Variants in BRD10 observed in about 807,000 individuals in gnomAD.
BRD10 encodes the protein uncharacterized bromodomain-containing protein 10.
the BRD10 span, among the ~76,000 whole-genome samples, chr9:5,888,043 C>A: frequency 6.6e-6 from 1 of 152,202 alleles, no homozygotes; most frequent in Non-Finnish European, 1.5e-5. Flanking sequence ...ACGATGGAAA[C>A]CAGAAAAATC....
the BRD10 span, among the ~76,000 whole-genome samples, chr9:5,930,444 C>T: frequency 3.2e-4 from 47 of 149,078 alleles, 1 homozygote; most frequent in African/African-American, 1.0e-3. Context: ...ACCTGTGTGA[C>T]GAACAGTACA....
chr9:5,957,108 TAAG>T, the BRD10 span, among the ~76,000 whole-genome samples: 3 of 152,262 alleles, frequency 2.0e-5, no homozygotes, highest in Middle Eastern at 3.4e-3. Flanking sequence ...GTAGTGGTAG[TAAG>T]AAGATTAACA....
the BRD10 span, among the ~76,000 whole-genome samples, chr9:5,900,013 T>C: frequency 2.6e-5 from 4 of 152,344 alleles, no homozygotes; most frequent in South Asian, 6.2e-4. Context: ...TTTGATTTCA[T>C]TATATATTTG....
At chr9:5,880,735 C>T in the BRD10 span, among the ~76,000 whole-genome samples, 2 of 148,268 alleles carry the variant, frequency 1.3e-5, no homozygotes, top group Admixed American at 6.8e-5. Flanking sequence ...GATGAAGTCT[C>T]GCTCTGTCGC....
chr9:5,892,906 G>A, the BRD10 span, among the ~76,000 whole-genome samples: 1 of 152,104 alleles, frequency 6.6e-6, no homozygotes, highest in Non-Finnish European at 1.5e-5. Context: ...TCAAATTCCT[G>A]AAGGTGGTTT....
chr9:6,007,390 G>C, the BRD10 span: 4 of 1,610,458 alleles, frequency 2.5e-6, no homozygotes, highest in Non-Finnish European at 3.4e-6. Flanking sequence ...GCCCTGTCCG[G>C]GCTGCTGCGG....
chr9:5,924,702 G>A, the BRD10 span: 9 of 1,556,906 alleles, frequency 5.8e-6, no homozygotes, highest in East Asian at 1.6e-4. Flanking sequence ...AGGTTCTGTT[G>A]AGTCTATAGA....
the BRD10 span, among the ~76,000 whole-genome samples, chr9:6,004,006 T>C: frequency 1.3e-5 from 2 of 152,224 alleles, no homozygotes; most frequent in Admixed American, 1.3e-4. Context: ...AGAAATACTA[T>C]GCTGTTTCAT....
chr9:5,983,090 C>A, the BRD10 span, among the ~76,000 whole-genome samples: 1 of 152,246 alleles, frequency 6.6e-6, no homozygotes, highest in East Asian at 1.9e-4. Flanking sequence ...GAGTTAAACT[C>A]CACAAAGTTA....
chr9:5,904,899 A>G, the BRD10 span, among the ~76,000 whole-genome samples: 1 of 151,346 alleles, frequency 6.6e-6, no homozygotes, highest in East Asian at 1.9e-4. Context: ...TCAGCCTCCC[A>G]AGTAGCTGGG....
chr9:5,987,718 G>A, the BRD10 span, among the ~76,000 whole-genome samples: 10 of 152,180 alleles, frequency 6.6e-5, no homozygotes, highest in East Asian at 3.9e-4. Context: ...AACATAGTTC[G>A]CAATTTGATT....
chr9:5,942,753 A>C, the BRD10 span, among the ~76,000 whole-genome samples: 6 of 152,236 alleles, frequency 3.9e-5, no homozygotes, highest in Admixed American at 1.3e-4. Flanking sequence ...TGCAAACATC[A>C]GGGGGCATGG....
the BRD10 span, chr9:5,920,101 T>C: frequency 6.2e-7 from 1 of 1,613,944 alleles, no homozygotes; most frequent in Non-Finnish European, 8.5e-7. Context: ...AGTTTATAAA[T>C]TTTGTAGGGC....
the BRD10 span, among the ~76,000 whole-genome samples, chr9:5,911,636 G>C: frequency 6.6e-6 from 1 of 151,470 alleles, no homozygotes; most frequent in Non-Finnish European, 1.5e-5. Flanking sequence ...CCAGGTTCAA[G>C]CTATTCTTGT....
chr9:5,994,696 T>C, the BRD10 span, among the ~76,000 whole-genome samples: 2 of 152,142 alleles, frequency 1.3e-5, no homozygotes, highest in Non-Finnish European at 2.9e-5. Context: ...GTCTCAGGCA[T>C]GTAGCCTCTC....
At chr9:5,958,770 T>C in the BRD10 span, among the ~76,000 whole-genome samples, 1 of 152,206 alleles carries the variant, frequency 6.6e-6, no homozygotes, top group Non-Finnish European at 1.5e-5. Context: ...AATAAATGAA[T>C]ACTAAGATAT....
At chr9:5,975,512 C>T in the BRD10 span, among the ~76,000 whole-genome samples, 1 of 149,768 alleles carries the variant, frequency 6.7e-6, no homozygotes, top group African/African-American at 2.5e-5. Flanking sequence ...CTATATTATT[C>T]CATTTGGTCA....
the BRD10 span, among the ~76,000 whole-genome samples, chr9:5,996,316 T>G: frequency 0.21 from 32,212 of 150,444 alleles, 3,519 homozygotes; most frequent in Middle Eastern, 0.3. Flanking sequence ...GGTTTTTTTT[T>G]TTGTTGTTGT....
chr9:6,002,404 T>A, the BRD10 span, among the ~76,000 whole-genome samples: 1 of 152,162 alleles, frequency 6.6e-6, no homozygotes. Context: ...ATCCAGATTC[T>A]ATTACCAAAG....
Sources: gnomAD v4.1 joint callset for allele counts (sites outside exome capture counted in the v4.1 genomes callset) on GRCh38, gnomAD v4.1.1 for gene constraint, MANE v1.5 for transcripts, NCBI Gene and HGNC (gene_info 2026-07-23, HGNC 2026-07-21) for gene names.